Variants in ADAM17 observed in about 807,000 individuals in gnomAD.
The protein encoded by ADAM17 is disintegrin and metalloproteinase domain-containing protein 17.
Under a neutral mutation model 96.7 loss-of-function variants are expected in ADAM17, and 39 were observed. The ratio of observed to expected loss-of-function variants is 0.40; its 90% CI spans 0.31 to 0.53. The LOEUF is 0.53. Among genes scored for constraint, ADAM17 ranks in the 20% least tolerant of loss-of-function variants. The pLI, the probability that ADAM17 is intolerant of heterozygous loss-of-function variation, is 0.44. For synonymous variants in ADAM17, 344 were observed against 359.2 expected (o/e 0.96, Z 0.48); for missense variants, 777 against 1,013.2 (o/e 0.77, Z 3.17).
intron 16 of ADAM17, 111 bp downstream of exon 16, chr2:9,493,636 G>C: frequency 1.1e-6 from 1 of 883,774 alleles, no homozygotes; most frequent in Admixed American, 2.5e-5. Flanking sequence ...GCTGTGAATA[G>C]TTCCACCTTC....
rs201738148 is a variant in ADAM17 at position 9,510,126 on chromosome 2, A to T, written c.1197T>A (p.Ala399=). The part of the protein sequence containing the change: ...NYGKTILTKE[A]DLVTTHELGH... Reference sequence around the variant, plus strand: ...CCAATTCATGAGTTGTAACCAGGTCAGCTTCCTTAAGGATCATGCAAAGAA... The same window carrying T: ...CCAATTCATGAGTTGTAACCAGGTCTGCTTCCTTAAGGATCATGCAAAGAA... Residue 399 remains alanine (A), a synonymous_variant, in exon 11 of 19, where the codon GCT becomes GCA. Transcript: ENST00000310823. 1.9e-6 allele frequency: 3 copies of T among 1,614,090 alleles called. No homozygotes were observed. Among genetic ancestry groups the T allele is most frequent in the Non-Finnish European group, 1.7e-6 (2 of 1,179,986 alleles).
At chr2:9,527,482 C>T in intron 5 of ADAM17, 1 of 184,128 alleles carries the variant, frequency 5.4e-6, no homozygotes, top group Non-Finnish European at 1.1e-5. Context: ...GATTGTCTTT[C>T]CACCATATTA....
At chr2:9,552,755 C>T (rs1165592959) in intron 1 of ADAM17, among the ~76,000 whole-genome samples, 2 of 152,186 alleles carry the variant, frequency 1.3e-5, no homozygotes, top group Non-Finnish European at 2.9e-5. Flanking sequence ...ATCATCATGA[C>T]TAAGCTCATA....
Position 9,543,281 on chromosome 2 carries a change from C to T in ADAM17, c.102G>A (p.Lys34=), listed in dbSNP as rs1029893851. Reference sequence around the variant, plus strand: ...CGTAGTCTGAGAGCAAAGAATCAAGCTTCTCTGAAATAAAGGTAAAAAAGG... The same window carrying T: ...CGTAGTCTGAGAGCAAAGAATCAAGTTTCTCTGAAATAAAGGTAAAAAAGG... The part of the protein sequence containing the change: ...PGFGPHQRLE[K]LDSLLSDYDI... The change falls in exon 2 of 19, where the codon AAG becomes AAA. Residue 34 remains lysine, a synonymous_variant. Transcript: ENST00000310823. 1 of 1,587,052 alleles carries T rather than the reference C, an allele frequency of 6.3e-7. No homozygotes were observed. Among genetic ancestry groups the T allele is most frequent in the Non-Finnish European group, 8.5e-7 (1 of 1,171,106 alleles).
intron 12 of ADAM17, among the ~76,000 whole-genome samples, chr2:9,504,138 G>A (rs945509010): frequency 1.3e-5 from 2 of 151,604 alleles, no homozygotes; most frequent in Non-Finnish European, 2.9e-5. Context: ...GCAACAGACT[G>A]AGACCCTGTC....
At chr2:9,545,527 AC>A (rs1470258649) in intron 1 of ADAM17, among the ~76,000 whole-genome samples, 1 of 152,002 alleles carries the variant, frequency 6.6e-6, no homozygotes, top group East Asian at 1.9e-4. Flanking sequence ...CCGAGATCAC[AC>A]CACTACTCTC....
Position 9,492,854 on chromosome 2 carries a change from A to G in ADAM17, c.2082+44T>C, listed in dbSNP as rs563822528. 7 of 1,529,642 alleles carry G rather than the reference A, an allele frequency of 4.6e-6. No homozygotes were observed. In the African/African-American group the frequency reaches 9.8e-5, roughly 21 times the overall value. 94.8% of individuals were successfully genotyped at this position (1,529,642 alleles called of 1,614,324 possible). A position where few individuals can be genotyped will look rare whatever the true frequency, so the allele number is the denominator to read the frequency against. ...GAGATTACATGGTTGGAGTTGATCA[A>G]AATTTAAATAAAACATTTAATTACT... is the stretch of plus-strand genomic sequence containing the variant. On this transcript the variant is annotated intron_variant, in intron 17 of 18. Coordinates refer to ENST00000310823, the MANE Select transcript of ADAM17 (RefSeq NM_003183.6).
intron 6 of ADAM17, among the ~76,000 whole-genome samples, chr2:9,524,141 A>C (rs1558515300): frequency 6.6e-6 from 1 of 152,070 alleles, no homozygotes; most frequent in African/African-American, 2.4e-5. Flanking sequence ...TGTGTTAATC[A>C]ACTTATTTTA....
intron 14 of ADAM17, among the ~76,000 whole-genome samples, chr2:9,495,341 G>A (rs1662493647): frequency 6.6e-6 from 1 of 152,228 alleles, no homozygotes; most frequent in Non-Finnish European, 1.5e-5. Context: ...CATAAGAATG[G>A]CAGAAATGCC....
intron 2 of ADAM17, among the ~76,000 whole-genome samples, chr2:9,540,860 G>A (rs1665178799): frequency 6.6e-6 from 1 of 152,210 alleles, no homozygotes; most frequent in South Asian, 2.1e-4. Context: ...ATGCCCTTTA[G>A]AGGGGTGACA....
intron 10 of ADAM17, among the ~76,000 whole-genome samples, chr2:9,514,896 G>A (rs1019270283): frequency 2.6e-5 from 4 of 151,986 alleles, no homozygotes; most frequent in Non-Finnish European, 5.9e-5. Context: ...GGAGGATCTC[G>A]CTAAGTTGCT....
At position 9,490,369 on chromosome 2, in the gene ADAM17, G is replaced by T; in HGVS notation, c.2283C>A (p.Thr761=). The change falls in exon 19 of 19, where the codon ACC becomes ACA. Residue 761 remains threonine (T), a synonymous_variant. Coordinates refer to ENST00000310823, the MANE Select transcript of ADAM17 (RefSeq NM_003183.6). ...AGTCTGTGCTGGGGTCTTCCTGGATGGTGTCCATTCTCTGGTGGTCCAGTT... is the reference window on the plus strand; with the variant it reads ...AGTCTGTGCTGGGGTCTTCCTGGATTGTGTCCATTCTCTGGTGGTCCAGTT... ...APKLDHQRMD[T]IQEDPSTDSH... 6.2e-7 allele frequency: 1 copy of T among 1,614,140 alleles called. No homozygotes were observed. The highest frequency in any genetic ancestry group is 8.5e-7 in the Non-Finnish European group (1 of 1,180,020).
chr2:9,494,467 C>A (rs1205733069), intron 15 of ADAM17, among the ~76,000 whole-genome samples, 170 bp downstream of exon 15: 1 of 152,142 alleles, frequency 6.6e-6, no homozygotes, highest in Non-Finnish European at 1.5e-5. Context: ...CAGGCAGGGA[C>A]CTGAAAGCAC....
At chr2:9,520,752 T>C (rs928100811) in intron 8 of ADAM17, among the ~76,000 whole-genome samples, 1 of 151,754 alleles carries the variant, frequency 6.6e-6, no homozygotes, top group African/African-American at 2.4e-5. Context: ...TCATCTGAGG[T>C]CGGGAGTTCA....
At position 9,491,149 on chromosome 2, in the gene ADAM17, A is replaced by C; in HGVS notation, c.2085T>G (p.Asp695Glu). ...IPFSILVHCV[D>E]KKLDKQYESL... The stretch of plus-strand genomic sequence containing the variant: ...ATTCATACTGTTTATCCAATTTCTT[A>C]TCCTAGAAAGAAACAGCAAGAAGGT... The change falls in exon 18 of 19, where the codon GAT (aspartate) becomes GAG (glutamate). Residue 695 changes from aspartate to glutamate, a missense_variant and splice_region_variant. Asp to Glu is a conservative substitution (Grantham distance 45, BLOSUM62 2). Transcript: ENST00000310823. 6.2e-7 allele frequency: 1 copy of C among 1,612,764 alleles called. No individual in the cohort carries two copies. Among genetic ancestry groups the C allele is most frequent in the Non-Finnish European group, 8.5e-7 (1 of 1,178,902 alleles).
At chr2:9,542,944 T>C (rs765814132) in intron 2 of ADAM17, among the ~76,000 whole-genome samples, 2 of 152,194 alleles carry the variant, frequency 1.3e-5, no homozygotes, top group African/African-American at 4.8e-5. Context: ...GCAATCCACA[T>C]GTCTTGGCCC....
intron 3 of ADAM17, among the ~76,000 whole-genome samples, chr2:9,536,289 T>C (rs530214517): frequency 6.6e-5 from 10 of 152,306 alleles, no homozygotes; most frequent in African/African-American, 2.4e-4. Flanking sequence ...TTTTTTCTCA[T>C]TGCAGAAAAA....
intron 11 of ADAM17, among the ~76,000 whole-genome samples, chr2:9,506,359 GTTTTTTTTTTTTTTTTT>G (rs769256744): frequency 6.8e-5 from 5 of 73,208 alleles, no homozygotes; most frequent in African/African-American, 2.8e-4. Flanking sequence ...CTTCAAATCT[GTTTTTTTTTTTTTTTTT>G]TTTTTTTTTT....
intron 4 of ADAM17, among the ~76,000 whole-genome samples, chr2:9,531,151 T>C (rs1423066795): frequency 6.6e-6 from 1 of 151,178 alleles, no homozygotes. Flanking sequence ...AGAGACGAGG[T>C]TTCACCATGT....
Sources: gnomAD v4.1 joint callset for allele counts (sites outside exome capture counted in the v4.1 genomes callset) on GRCh38, gnomAD v4.1.1 for gene constraint, MANE v1.5 for transcripts, NCBI Gene and HGNC (gene_info 2026-07-23, HGNC 2026-07-21) for gene names.